The following POLA1 variants were observed in gnomAD, a reference collection of about 807,000 sequenced individuals.
POLA1 encodes DNA polymerase alpha 1, catalytic subunit.
Under a neutral mutation model 124.0 loss-of-function variants are expected in POLA1, and 15 were observed. The observed-to-expected ratio is 0.12, with a 90% confidence interval of 0.08 to 0.19. The LOEUF (loss-of-function observed/expected upper bound fraction) is 0.19. Among genes scored for constraint, POLA1 ranks in the 10% least tolerant of loss-of-function variants. The pLI is 1.00. For synonymous variants in POLA1, 408 were observed against 389.4 expected, an observed-to-expected ratio of 1.05 and a Z score of -0.56; for missense variants, 886 against 1,103.4, an observed-to-expected ratio of 0.80 and a Z score of 2.79.
chrX:24,913,665 G>A (rs1360189699), intron 35 of POLA1, among the ~76,000 whole-genome samples: 1 of 107,905 alleles, frequency 9.3e-6, no homozygotes, highest in Admixed American at 1.0e-4. Context: ...AGTGAGCTGA[G>A]ATTGTGCCAT....
At chrX:24,749,967 G>C (rs1932234407) in intron 26 of POLA1, among the ~76,000 whole-genome samples, 1 of 112,056 alleles carries the variant, frequency 8.9e-6, no homozygotes, top group African/African-American at 3.2e-5. Flanking sequence ...AAAGGAGGTA[G>C]GTAGTGGTCA....
chrX:24,804,511 G>A (rs975013463), intron 26 of POLA1, among the ~76,000 whole-genome samples: 16 of 111,690 alleles, frequency 1.4e-4, no homozygotes, highest in African/African-American at 5.2e-4. Flanking sequence ...GAATCCTAAA[G>A]CCATTGAGAT....
chrX:24,765,203 C>T (rs1932872433), intron 26 of POLA1, among the ~76,000 whole-genome samples: 1 of 110,855 alleles, frequency 9.0e-6, no homozygotes, highest in African/African-American at 3.3e-5. Context: ...CTGGAATGCT[C>T]CTTCCCAGGC....
rs1235486686 is a variant in POLA1 at position 24,913,023 on chromosome X, A to C, written c.4165-17430A>C. ...TGTTCCTGTGTATTTACCCTAAAGA[A>C]GTACAAATTTATGTTCATACAAATA... On this transcript the variant is annotated intron_variant, in intron 35 of 36. Transcript: ENST00000379068. 7.1e-5 allele frequency among the ~76,000 whole-genome samples: 8 copies of C among 112,272 alleles called. No homozygotes were observed. In the East Asian group the frequency reaches 2.2e-3, roughly 31 times the overall value.
rs757605993 is a variant in POLA1 at position 24,906,945 on chromosome X, T to C, written c.4164+18823T>C. 6.4e-4 allele frequency among the ~76,000 whole-genome samples: 71 copies of C among 111,311 alleles called. 1 individual carries two copies. The highest frequency in any genetic ancestry group is 4.6e-3 in the Middle Eastern group (1 of 216). On this transcript the variant is annotated intron_variant, in intron 35 of 36. Transcript: ENST00000379068. ...CTCATACCTGTAAATCCCAACACTT[T>C]GGGAGGCCGAGCCGGACAGTTCACT...
Position 24,732,379 on chromosome X carries a change from A to G in POLA1, c.1696A>G (p.Met566Val), listed in dbSNP as rs1226807660. Residue 566 changes from methionine to valine, a missense_variant, in exon 16 of 37, where the codon ATG becomes GTG. By Grantham distance (21) the Met-to-Val change is conservative. Coordinates refer to ENST00000379068, the MANE Select transcript of POLA1 (RefSeq NM_001330360.2). ...AKNHQNEIIA[M>V]AALVHHSFAL... The stretch of plus-strand genomic sequence containing the variant: ...CCTCCTTTCTTTGCAGATTATTGCT[A>G]TGGCAGCTTTGGTCCATCACAGTTT... 5.9e-6 allele frequency: 7 copies of G among 1,191,751 alleles called. No homozygotes were observed. The highest frequency in any genetic ancestry group is 3.0e-5 in the East Asian group (1 of 33,779).
intron 36 of POLA1, among the ~76,000 whole-genome samples, chrX:24,944,465 C>T (rs1056866857): frequency 3.6e-5 from 4 of 111,588 alleles, no homozygotes; most frequent in Admixed American, 1.9e-4. Flanking sequence ...TCTTTGGAAA[C>T]AAAACAAGCT....
chrX:24,694,926 A>G (rs193225146), intron 1 of POLA1, among the ~76,000 whole-genome samples: 13 of 111,964 alleles, frequency 1.2e-4, no homozygotes, highest in Admixed American at 4.7e-4. Flanking sequence ...TTTTAAGACT[A>G]TTTTGGAGAG....
At chrX:24,891,109 AT>A (rs1430370566) in intron 35 of POLA1, among the ~76,000 whole-genome samples, 7 of 112,494 alleles carry the variant, frequency 6.2e-5, no homozygotes, top group Non-Finnish European at 1.3e-4. Context: ...CATTTCGAGG[AT>A]GATGTTGATA....
At chrX:24,968,076 C>T (rs1203484318) in intron 36 of POLA1, among the ~76,000 whole-genome samples, 6 of 111,745 alleles carry the variant, frequency 5.4e-5, no homozygotes, top group African/African-American at 1.3e-4. Flanking sequence ...TCATCTTGTA[C>T]AAAAATCTAA....
At chrX:24,715,282 C>T (rs1929745201) in intron 6 of POLA1, 79 bp downstream of exon 6, 1 of 652,084 alleles carries the variant, frequency 1.5e-6, no homozygotes, top group Admixed American at 2.8e-5. Context: ...ACAAAACAGA[C>T]TATTGCCAGA....
At chrX:24,782,812 G>A (rs2045292545) in intron 26 of POLA1, among the ~76,000 whole-genome samples, 1 of 111,430 alleles carries the variant, frequency 9.0e-6, no homozygotes, top group Admixed American at 9.6e-5. Context: ...TGTTTCCACA[G>A]GAGAGGCTAA....
intron 24 of POLA1, among the ~76,000 whole-genome samples, chrX:24,746,175 A>T (rs976866405): frequency 2.2e-4 from 24 of 110,739 alleles, no homozygotes; most frequent in African/African-American, 7.9e-4. Context: ...CAGAAGAGAG[A>T]ATCTGATAGG....
chrX:24,986,491 G>T (rs970280309), intron 36 of POLA1, among the ~76,000 whole-genome samples: 5 of 109,106 alleles, frequency 4.6e-5, no homozygotes, highest in Non-Finnish European at 9.5e-5. Context: ...TATATAGTCA[G>T]GTGACCGGTA....
intron 26 of POLA1, among the ~76,000 whole-genome samples, chrX:24,806,056 T>G (rs1180155988): frequency 5.4e-4 from 4 of 7,405 alleles, no homozygotes; most frequent in Non-Finnish European, 1.2e-3. Flanking sequence ...GTATGAGGTT[T>G]TTTTTTTTTT....
Position 24,977,483 on chromosome X carries a change from C to G in POLA1, c.4262-18322C>G, listed in dbSNP as rs368213317. ...CCTTGTTAGACACTTGGAGGATTTC[C>G]TTTGCACCCAGTGCATGGGCACATT... is the stretch of plus-strand genomic sequence containing the variant. On this transcript the variant is annotated intron_variant, in intron 36 of 36. Transcript: ENST00000379068. Among the ~76,000 whole-genome samples, 279 of 111,099 alleles carry G rather than the reference C, an allele frequency of 2.5e-3. 1 individual carries two copies. The highest frequency in any genetic ancestry group is 8.9e-3 in the African/African-American group (270 of 30,474).
intron 35 of POLA1, among the ~76,000 whole-genome samples, chrX:24,922,445 T>C (rs547847388): frequency 1.4e-3 from 161 of 111,567 alleles, no homozygotes; most frequent in Middle Eastern, 9.2e-3. Flanking sequence ...TAAATATTTT[T>C]ATCAATATAG....
At chrX:24,742,563 A>G (rs1342260848) in intron 22 of POLA1, among the ~76,000 whole-genome samples, 1 of 112,735 alleles carries the variant, frequency 8.9e-6, no homozygotes, top group East Asian at 2.8e-4. Flanking sequence ...CTTTGGAACT[A>G]AAACTTAGTT....
intron 36 of POLA1, among the ~76,000 whole-genome samples, chrX:24,989,083 C>G (rs1309484382): frequency 2.7e-5 from 3 of 112,089 alleles, no homozygotes; most frequent in African/African-American, 6.5e-5. Flanking sequence ...AAGAATGGTA[C>G]TGGTGGAAAA....
Sources: gnomAD v4.1 joint callset for allele counts (sites outside exome capture counted in the v4.1 genomes callset) on GRCh38, gnomAD v4.1.1 for gene constraint, MANE v1.5 for transcripts, NCBI Gene and HGNC (gene_info 2026-07-23, HGNC 2026-07-21) for gene names.